MAD1L1: variants seen among roughly 807,000 people sequenced by gnomAD.
MAD1L1 encodes mitotic arrest deficient 1 like 1, also known as mitotic spindle assembly checkpoint protein MAD1.
Under a neutral mutation model 96.9 loss-of-function variants are expected in MAD1L1, and 95 were observed. The ratio of observed to expected loss-of-function variants is 0.98; its 90% confidence interval spans 0.83 to 1.16. The LOEUF is 1.16. MAD1L1 is among the 50% of genes most tolerant of loss of function. MAD1L1 has a pLI of 0.00. For missense variants in MAD1L1, 1,007 were observed against 954.4 expected, an observed-to-expected ratio of 1.06 and a Z score of -0.73; for synonymous variants, 473 against 396.6, an observed-to-expected ratio of 1.19 and a Z score of -2.29.
intron 18 of MAD1L1, among the ~76,000 whole-genome samples, chr7:1,839,337 TCCTGCCCCCTGCCTGGCAG>T (rs1474465288): frequency 0.39 from 57,582 of 147,490 alleles, 11,409 homozygotes; most frequent in Admixed American, 0.52. Flanking sequence ...CAGGAAAGCG[TCCTGCCCCCTGCCTGGCAG>T]GAAAGCGTCC....
At chr7:2,107,751 A>C (rs547031588) in intron 11 of MAD1L1, 1 of 152,328 alleles carries the variant, frequency 6.6e-6, no homozygotes, top group East Asian at 1.9e-4. Flanking sequence ...GCTTTCAATA[A>C]TTTCAACGCA....
At chr7:1,885,751 C>T (rs535503512) in intron 18 of MAD1L1, among the ~76,000 whole-genome samples, 2 of 152,318 alleles carry the variant, frequency 1.3e-5, no homozygotes, top group East Asian at 1.9e-4. Context: ...CCCGAGGGCT[C>T]GGCAGCCCGG....
chr7:1,953,038 G>A (rs1470713629), intron 16 of MAD1L1, among the ~76,000 whole-genome samples: 1 of 152,148 alleles, frequency 6.6e-6, no homozygotes, highest in African/African-American at 2.4e-5. Context: ...CCCTCTCCCA[G>A]GGCAGCTGCA....
chr7:2,190,376 T>C (rs1379222154), intron 10 of MAD1L1, among the ~76,000 whole-genome samples: 1 of 152,138 alleles, frequency 6.6e-6, no homozygotes, highest in East Asian at 1.9e-4. Context: ...TAACTCAAAA[T>C]TAACAGTAAA....
At chr7:2,213,958 C>A (rs1035823269) in intron 9 of MAD1L1, among the ~76,000 whole-genome samples, 1 of 152,274 alleles carries the variant, frequency 6.6e-6, no homozygotes, top group Non-Finnish European at 1.5e-5. Context: ...GTGCCAAGCA[C>A]CATGCTGTTA....
At chr7:2,147,288 C>T (rs1789356991) in intron 11 of MAD1L1, among the ~76,000 whole-genome samples, 1 of 151,982 alleles carries the variant, frequency 6.6e-6, no homozygotes, top group Admixed American at 6.5e-5. Context: ...GGAGCTCCAA[C>T]CTCACGCCCA....
intron 11 of MAD1L1, among the ~76,000 whole-genome samples, chr7:2,093,992 C>A (rs538468782): frequency 5.7e-4 from 87 of 152,354 alleles, no homozygotes; most frequent in African/African-American, 2.0e-3. Context: ...AGCATCCACA[C>A]AGAGCTCTCA....
At chr7:1,890,198 G>C (rs1438811110) in intron 18 of MAD1L1, among the ~76,000 whole-genome samples, 3 of 152,264 alleles carry the variant, frequency 2.0e-5, no homozygotes, top group East Asian at 1.9e-4. Flanking sequence ...ACGTGTTCTG[G>C]TGTGGGTACT....
At chr7:2,028,328 G>A (rs1783071839) in intron 12 of MAD1L1, among the ~76,000 whole-genome samples, 1 of 151,380 alleles carries the variant, frequency 6.6e-6, no homozygotes, top group Non-Finnish European at 1.5e-5. Flanking sequence ...GGGAGGCTGA[G>A]GCAAGAGAAT....
At chr7:1,960,265 A>C (rs531540081) in intron 15 of MAD1L1, among the ~76,000 whole-genome samples, 9 of 151,442 alleles carry the variant, frequency 5.9e-5, no homozygotes, top group Admixed American at 2.6e-4. Flanking sequence ...AAAAAAAAGG[A>C]AACAGAAATG....
chr7:2,034,014 T>C (rs1783352192), intron 12 of MAD1L1, among the ~76,000 whole-genome samples: 1 of 152,124 alleles, frequency 6.6e-6, no homozygotes, highest in Non-Finnish European at 1.5e-5. Flanking sequence ...GAGGATATAT[T>C]GAGCCCTGGA....
chr7:1,921,769 C>G (rs931732737), intron 17 of MAD1L1, among the ~76,000 whole-genome samples: 11 of 151,946 alleles, frequency 7.2e-5, no homozygotes, highest in African/African-American at 2.4e-4. Flanking sequence ...AGGTATAAAT[C>G]TACGGGGAAG....
chr7:1,858,380 G>A (rs1161445260), intron 18 of MAD1L1, among the ~76,000 whole-genome samples: 1 of 152,248 alleles, frequency 6.6e-6, no homozygotes, highest in Non-Finnish European at 1.5e-5. Flanking sequence ...TTTTGCCTTG[G>A]CTCAGCCTCC....
chr7:2,104,950 C>T (rs1787011603), intron 11 of MAD1L1, among the ~76,000 whole-genome samples: 1 of 152,198 alleles, frequency 6.6e-6, no homozygotes, highest in Non-Finnish European at 1.5e-5. Flanking sequence ...AAACCGCTCA[C>T]CTCCTAAATG....
intron 17 of MAD1L1, among the ~76,000 whole-genome samples, chr7:1,929,475 C>T (rs2128460039): frequency 6.6e-6 from 1 of 152,264 alleles, no homozygotes; most frequent in Admixed American, 6.5e-5. Flanking sequence ...CGCCAAGGGC[C>T]CGTGCCGATG....
At chr7:2,194,419 T>C (rs1446424073) in intron 10 of MAD1L1, among the ~76,000 whole-genome samples, 1 of 152,248 alleles carries the variant, frequency 6.6e-6, no homozygotes, top group African/African-American at 2.4e-5. Flanking sequence ...ACGCACTGTC[T>C]ACAGCAGCTT....
chr7:2,071,723 A>G (rs1427343643), intron 11 of MAD1L1, among the ~76,000 whole-genome samples: 4 of 151,970 alleles, frequency 2.6e-5, no homozygotes, highest in Admixed American at 2.6e-4. Flanking sequence ...TCAAAACCCA[A>G]AGGTTTCTCA....
intron 18 of MAD1L1, among the ~76,000 whole-genome samples, chr7:1,857,208 G>A (rs747864179): frequency 5.3e-5 from 8 of 152,316 alleles, no homozygotes; most frequent in South Asian, 4.1e-4. Context: ...GCACCTTCCC[G>A]AGGATTTCAT....
intron 13 of MAD1L1, among the ~76,000 whole-genome samples, chr7:2,009,433 A>C (rs918328749): frequency 5.9e-5 from 9 of 152,232 alleles, no homozygotes; most frequent in African/African-American, 1.4e-4. Flanking sequence ...GGTCACGTGG[A>C]AAAGGATGGG....
Sources: allele counts gnomAD v4.1 joint callset (sites outside exome capture counted in the v4.1 genomes callset), GRCh38; gene constraint gnomAD v4.1.1; transcripts MANE v1.5; gene names NCBI Gene and HGNC (gene_info 2026-07-23, HGNC 2026-07-21).